The following C6orf89 variants were observed in gnomAD, a reference collection of about 807,000 sequenced individuals.
C6orf89 encodes the protein chromosome 6 open reading frame 89, also known as bombesin receptor-activated protein C6orf89.
Under a neutral mutation model 40.7 loss-of-function variants are expected in C6orf89, and 29 were observed. That is an observed-to-expected ratio of 0.71 (90% CI 0.53 to 0.97). The LOEUF is 0.97. Ranked by LOEUF, C6orf89 falls within the 50% of genes least tolerant of loss-of-function variation. The probability of loss-of-function intolerance (pLI) is 0.00; values close to 1 mark genes in which losing one functional copy is unlikely to be tolerated. For synonymous variants in C6orf89, 165 were observed against 152.2 expected (o/e 1.08, Z -0.62); for missense variants, 392 against 429.1 (o/e 0.91, Z 0.76).
chr6:36,882,176 A>AT (rs552610933), upstream of C6orf89, among the ~76,000 whole-genome samples: 86 of 152,280 alleles, frequency 5.6e-4, no homozygotes, highest in Non-Finnish European at 1.0e-3. Flanking sequence ...TTCCTTTAAA[A>AT]TTTTTTAAGT....
intron 1 of C6orf89, 50 bp downstream of exon 1, chr6:36,886,078 G>T (rs1434173802): frequency 9.2e-7 from 1 of 1,084,414 alleles, no homozygotes. Context: ...CCCTGTGACA[G>T]CCTCGCCGCG....
At chr6:36,874,377 T>C (rs542028210) in intron 1 of C6orf89, among the ~76,000 whole-genome samples, 2 of 152,374 alleles carry the variant, frequency 1.3e-5, no homozygotes, top group African/African-American at 4.8e-5. Context: ...CAGGGCTGTC[T>C]GTGTTTTATC....
At chr6:36,915,020 G>A (rs923365506) in intron 6 of C6orf89, among the ~76,000 whole-genome samples, 6 of 152,212 alleles carry the variant, frequency 3.9e-5, no homozygotes, top group Non-Finnish European at 8.8e-5. Context: ...GGGGCACTTA[G>A]CGTGCGAGTA....
At chr6:36,909,631 A>C (rs1762048958) in intron 4 of C6orf89, among the ~76,000 whole-genome samples, 1 of 152,020 alleles carries the variant, frequency 6.6e-6, no homozygotes, top group African/African-American at 2.4e-5. Flanking sequence ...AAATACAAAA[A>C]ATTAGCCATA....
intron 4 of C6orf89, among the ~76,000 whole-genome samples, chr6:36,913,949 C>A (rs1022318046): frequency 6.6e-6 from 1 of 152,070 alleles, no homozygotes; most frequent in Non-Finnish European, 1.5e-5. Context: ...TCATGTGAGC[C>A]CAGGAATTCA....
chr6:36,874,627 T>G lies in C6orf89; in HGVS notation c.-628+2660T>G, dbSNP rs1774598674. ...ACGCCCCTCCACGTGGAGGCCGGCC[T>G]CCCGGAGGAACGCGCCAGGAACGCA... On this transcript the variant is annotated intron_variant, in intron 1 of 9. Transcript: ENST00000359359. 5 of 1,536,854 alleles carry G rather than the reference T, an allele frequency of 3.3e-6. No homozygotes were observed. In the Admixed American group the frequency reaches 8.5e-5, roughly 26 times the overall value.
At chr6:36,920,723 A>G (rs1762482380) in intron 8 of C6orf89, among the ~76,000 whole-genome samples, 1 of 152,210 alleles carries the variant, frequency 6.6e-6, no homozygotes. Flanking sequence ...TACAAAAACG[A>G]GGATTCTTGT....
chr6:36,894,449 C>T, intron 1 of C6orf89, 55 bp from the exon 2 acceptor site: 10 of 858,472 alleles, frequency 1.2e-5, no homozygotes, highest in Non-Finnish European at 1.4e-5. Context: ...TCACTGATCA[C>T]AAAACCAAGA....
intron 4 of C6orf89, among the ~76,000 whole-genome samples, 159 bp downstream of exon 4, chr6:36,902,593 C>T (rs1299893969): frequency 6.6e-6 from 1 of 152,166 alleles, no homozygotes; most frequent in East Asian, 1.9e-4. Flanking sequence ...GGTTTATTAT[C>T]CCCGTTTCAC....
At chr6:36,871,907 A>G (rs1478919585) in exon 1 of C6orf89, 2 of 1,539,574 alleles carry the variant, frequency 1.3e-6, no homozygotes, top group Non-Finnish European at 1.7e-6. Flanking sequence ...CCAGTAAACA[A>G]AAAGGTCAGG....
At chr6:36,883,134 CCAGA>C (rs574767998), upstream of C6orf89, 26 of 152,164 alleles carry the variant, frequency 1.7e-4, no homozygotes, top group African/African-American at 2.4e-4. Flanking sequence ...TGTATTTTCA[CCAGA>C]CAAAGAAAAC....
chr6:36,903,880 TATTTC>T (rs1469779443), intron 4 of C6orf89, among the ~76,000 whole-genome samples: 1 of 152,034 alleles, frequency 6.6e-6, no homozygotes, highest in Non-Finnish European at 1.5e-5. Context: ...ACAGCTCAGA[TATTTC>T]ATTTGAAAAT....
At chr6:36,886,234 C>A (rs1251675761) in intron 1 of C6orf89, among the ~76,000 whole-genome samples, 2 of 152,244 alleles carry the variant, frequency 1.3e-5, no homozygotes, top group Non-Finnish European at 2.9e-5. Context: ...CTTAAGACAT[C>A]TGTCACTTTC....
intron 1 of C6orf89, chr6:36,874,696 C>G (rs200226282): frequency 3.1e-6 from 5 of 1,613,274 alleles, no homozygotes; most frequent in African/African-American, 1.3e-5. Context: ...CTGCCAGCCC[C>G]AGACGCCCGA....
chr6:36,874,844 T>G, intron 1 of C6orf89: 1 of 1,528,048 alleles, frequency 6.5e-7, no homozygotes, highest in Non-Finnish European at 9.0e-7. Context: ...GACCCGTCGC[T>G]GCTGCACACT....
At chr6:36,886,052 G>C (rs1194303289) in intron 1 of C6orf89, 24 bp downstream of exon 1, 1 of 1,224,952 alleles carries the variant, frequency 8.2e-7, no homozygotes, top group African/African-American at 1.7e-5. Context: ...GCCCGAGGCT[G>C]GGTGGGGGGA....
At chr6:36,875,110 C>T (rs1298893978) in intron 1 of C6orf89, 2 of 291,148 alleles carry the variant, frequency 6.9e-6, no homozygotes, top group Non-Finnish European at 1.3e-5. Flanking sequence ...GAGTTATGTC[C>T]TAATATTAAA....
Position 36,886,027 on chromosome 6 carries a change from A to T in C6orf89, c.-121A>T, listed in dbSNP as rs759883998. 13 of 1,257,654 alleles carry T rather than the reference A, an allele frequency of 1.0e-5. No homozygotes were observed. The highest frequency in any genetic ancestry group is 1.2e-5 in the Non-Finnish European group (12 of 998,190). The allele number at this position is 1,257,654 out of a possible 1,614,324, so 77.9% of individuals were successfully genotyped here. A position where few individuals can be genotyped will look rare whatever the true frequency, so the allele number is the denominator to read the frequency against. On this transcript the variant is annotated splice_region_variant and 5_prime_UTR_variant, in exon 1 of 9. It removes an upstream start codon present in the reference 5' UTR. Coordinates refer to ENST00000480824, the MANE Select transcript of C6orf89 (RefSeq NM_001286635.2). ...GGAGCCCGAGGGGCGCGAGCCCCGC[A>T]TGTGAGTGACTGGGGCCCGAGGCTG...
intron 4 of C6orf89, among the ~76,000 whole-genome samples, chr6:36,905,012 T>G (rs778366348): frequency 2.6e-4 from 39 of 152,124 alleles, no homozygotes; most frequent in African/African-American, 9.2e-4. Flanking sequence ...ATGCTCTCAA[T>G]AAGAAGAATG....
Sources: allele counts gnomAD v4.1 joint callset (sites outside exome capture counted in the v4.1 genomes callset), GRCh38; gene constraint gnomAD v4.1.1; transcripts MANE v1.5; gene names NCBI Gene and HGNC (gene_info 2026-07-23, HGNC 2026-07-21).